AGTPBP1: variants seen among roughly 807,000 people sequenced by gnomAD.
AGTPBP1 encodes ATP/GTP binding carboxypeptidase 1.
A neutral mutation model predicts 143.9 loss-of-function variants in AGTPBP1; 70 were observed. The observed-to-expected ratio is 0.49, with a 90% confidence interval of 0.40 to 0.59. The LOEUF (loss-of-function observed/expected upper bound fraction) is 0.59, where lower values mean the gene tolerates loss of function less well. Ranked by LOEUF, AGTPBP1 falls within the 20% of genes least tolerant of loss-of-function variation. The pLI is 0.00. For synonymous variants in AGTPBP1, 463 were observed against 500.2 expected (o/e 0.93, Z 0.99); for missense variants, 1,229 against 1,464.5 (o/e 0.84, Z 2.62).
intron 16 of AGTPBP1, 38 bp downstream of exon 16, chr9:85,619,177 T>C: frequency 6.2e-7 from 1 of 1,610,440 alleles, no homozygotes; most frequent in East Asian, 2.2e-5. Context: ...AGGAAATATC[T>C]GTGCACATAC....
chr9:85,761,344 G>A, the AGTPBP1 span, among the ~76,000 whole-genome samples: 1 of 152,148 alleles, frequency 6.6e-6, no homozygotes, highest in Non-Finnish European at 1.5e-5. Flanking sequence ...GAACAAAGCT[G>A]GAGGCATCAC....
chr9:85,663,796 A>G (rs1400833574), intron 8 of AGTPBP1, among the ~76,000 whole-genome samples: 1 of 151,166 alleles, frequency 6.6e-6, no homozygotes, highest in Non-Finnish European at 1.5e-5. Flanking sequence ...ATATCTATTC[A>G]GCAGAAATAA....
intron 25 of AGTPBP1, among the ~76,000 whole-genome samples, chr9:85,574,286 A>G (rs1312667179): frequency 2.6e-5 from 4 of 152,034 alleles, no homozygotes. Context: ...GCTCATTAAG[A>G]GTCATCACCA....
At chr9:85,694,952 T>A (rs1836131148) in intron 2 of AGTPBP1, among the ~76,000 whole-genome samples, 1 of 152,118 alleles carries the variant, frequency 6.6e-6, no homozygotes, top group Admixed American at 6.5e-5. Context: ...TGCAACCCAA[T>A]ACAAGTTCTA....
chr9:85,762,119 C>T, the AGTPBP1 span, among the ~76,000 whole-genome samples: 2 of 151,238 alleles, frequency 1.3e-5, no homozygotes, highest in African/African-American at 4.9e-5. Context: ...AGTCAGGAAA[C>T]AACAGGTGCT....
chr9:85,734,395 C>T (rs1335081205), intron 1 of AGTPBP1, among the ~76,000 whole-genome samples: 2 of 151,852 alleles, frequency 1.3e-5, no homozygotes, highest in Non-Finnish European at 2.9e-5. Context: ...CGCTTCCTAC[C>T]TCATTCTATA....
At chr9:85,654,423 T>C (rs1054477622) in intron 11 of AGTPBP1, among the ~76,000 whole-genome samples, 3 of 152,186 alleles carry the variant, frequency 2.0e-5, no homozygotes, top group African/African-American at 7.2e-5. Context: ...CATAAAACCA[T>C]AGTAATTTTG....
At chr9:85,674,334 A>T (rs893540324) in intron 6 of AGTPBP1, among the ~76,000 whole-genome samples, 1 of 152,020 alleles carries the variant, frequency 6.6e-6, no homozygotes, top group Admixed American at 6.6e-5. Flanking sequence ...AAATAGCCCA[A>T]ATTTAAAAGA....
chr9:85,601,662 G>A (rs1829679961), intron 17 of AGTPBP1, among the ~76,000 whole-genome samples: 1 of 152,092 alleles, frequency 6.6e-6, no homozygotes, highest in African/African-American at 2.4e-5. Context: ...TGCTGCTCAG[G>A]AGCCAAAGGA....
chr9:85,644,876 G>A (rs965892647), intron 12 of AGTPBP1, among the ~76,000 whole-genome samples: 5 of 152,060 alleles, frequency 3.3e-5, no homozygotes, highest in Non-Finnish European at 7.4e-5. Flanking sequence ...ATTAAGTAAC[G>A]TCTAAATGTA....
In AGTPBP1 at chr9:85,679,161, T is replaced by C. The variant is rs144016802; in HGVS notation, c.226-763A>G. On this transcript the variant is annotated intron_variant, in intron 4 of 25. Coordinates refer to ENST00000357081, the MANE Select transcript of AGTPBP1 (RefSeq NM_001330701.2). ...TTTATTTTAATAGATATTACCAAAT[T>C]GCTCTCTATGAAATAATTTATACTC... Among the ~76,000 whole-genome samples, 637 of 152,302 alleles carry C rather than the reference T, an allele frequency of 4.2e-3. 5 individuals are homozygous for C. The highest frequency in any genetic ancestry group is 7.0e-3 in the Non-Finnish European group (475 of 68,026).
At chr9:85,577,338 A>G (rs984427476) in intron 24 of AGTPBP1, among the ~76,000 whole-genome samples, 3 of 152,194 alleles carry the variant, frequency 2.0e-5, no homozygotes, top group Non-Finnish European at 4.4e-5. Flanking sequence ...ATTTCCATAA[A>G]TCACATAGTC....
chr9:85,648,727 G>A (rs1832969096), intron 11 of AGTPBP1, among the ~76,000 whole-genome samples: 1 of 152,234 alleles, frequency 6.6e-6, no homozygotes, highest in Middle Eastern at 3.4e-3. Context: ...CAGGAGAATG[G>A]CGTGAACCCG....
chr9:85,546,706 A>G lies in AGTPBP1; in HGVS notation c.*403T>C, dbSNP rs938026849. 1.3e-5 allele frequency: 2 copies of G among 154,292 alleles called. No homozygotes were observed. The highest frequency in any genetic ancestry group is 4.8e-5 in the African/African-American group (2 of 41,514). The allele number at this position is 154,292 out of a possible 1,614,324, so 9.6% of individuals were successfully genotyped here. On this transcript the variant is annotated 3_prime_UTR_variant, in exon 26 of 26. Coordinates refer to ENST00000357081, the MANE Select transcript of AGTPBP1 (RefSeq NM_001330701.2). ...CTTCTAAACAAACACATCTATAGAA[A>G]TCCATGTACATATATATTAGTTTTC...
chr9:85,803,137 C>T, the AGTPBP1 span, among the ~76,000 whole-genome samples: 15 of 152,122 alleles, frequency 9.9e-5, no homozygotes, highest in Admixed American at 3.3e-4. Flanking sequence ...GTCCCATATA[C>T]GTGGGAACTG....
At chr9:85,635,619 C>G (rs1363487111) in intron 13 of AGTPBP1, among the ~76,000 whole-genome samples, 1 of 151,854 alleles carries the variant, frequency 6.6e-6, no homozygotes, top group African/African-American at 2.4e-5. Context: ...GAAGGGATCC[C>G]TATGTGATAA....
chr9:85,724,008 C>T (rs981338805), intron 1 of AGTPBP1, among the ~76,000 whole-genome samples: 8 of 152,064 alleles, frequency 5.3e-5, no homozygotes, highest in South Asian at 2.1e-4. Context: ...AACATCTGGC[C>T]GGGTACGGTG....
chr9:85,606,352 T>A (rs1829986462), intron 17 of AGTPBP1, among the ~76,000 whole-genome samples: 1 of 149,670 alleles, frequency 6.7e-6, no homozygotes, highest in East Asian at 2.0e-4. Flanking sequence ...TACAATGAGA[T>A]ACCATCTTAC....
At position 85,672,565 on chromosome 9, in the gene AGTPBP1, C is replaced by A. The variant is rs1361519536; in HGVS notation, c.553G>T (p.Val185Leu). 17 of 1,611,448 alleles carry A rather than the reference C, an allele frequency of 1.1e-5. No homozygotes were observed. In the Admixed American group the frequency reaches 2.9e-4, roughly 27 times the overall value. The change falls in exon 7 of 26, where the codon GTA becomes TTA. Residue 185 changes from valine (V) to leucine (L), a missense_variant. Physicochemically the swap from Val to Leu is conservative, Grantham distance 32. Around this residue, in one of 2 missense-constraint regions of AGTPBP1, gnomAD observed 743 missense variants for 812.2 expected, o/e 0.91. Coordinates refer to ENST00000357081, the MANE Select transcript of AGTPBP1 (RefSeq NM_001330701.2). ...LVLPCLQLLR[V>L]YSANSVNSVS... ...AAATACTCACAGTTGGCAGAATATA[C>A]TCGTAAAAGCTGAAGGCAAGGTAGA... is the stretch of plus-strand genomic sequence containing the variant.
Sources: gnomAD v4.1 joint callset for allele counts (sites outside exome capture counted in the v4.1 genomes callset) on GRCh38, gnomAD v4.1.1 for gene constraint, gnomAD v4.1.1 regional missense constraint, MANE v1.5 for transcripts, NCBI Gene and HGNC (gene_info 2026-07-23, HGNC 2026-07-21) for gene names.